RIT2: variants seen among roughly 807,000 people sequenced by gnomAD.
RIT2 encodes the protein GTP-binding protein Rit2.
A neutral mutation model predicts 23.7 loss-of-function variants in RIT2; 24 were observed. The ratio of observed to expected loss-of-function variants is 1.01; its 90% CI spans 0.73 to 1.43. The LOEUF is 1.43. Among genes scored for constraint, RIT2 ranks in the 40% most tolerant of loss-of-function variants. The probability of loss-of-function intolerance (pLI) is 0.00; values close to 1 mark genes in which losing one functional copy is unlikely to be tolerated. For synonymous variants in RIT2, 107 were observed against 91.1 expected (o/e 1.17, Z -0.99); for missense variants, 236 against 266.9 (o/e 0.88, Z 0.81).
At chr18:42,943,163 C>T (rs577054606) in intron 3 of RIT2, among the ~76,000 whole-genome samples, 78 of 152,232 alleles carry the variant, frequency 5.1e-4, no homozygotes, top group South Asian at 1.5e-3. Context: ...TATTTGTCCC[C>T]GCCCATGTTC....
At chr18:43,095,613 A>T (rs1292137942) in intron 1 of RIT2, among the ~76,000 whole-genome samples, 1 of 152,012 alleles carries the variant, frequency 6.6e-6, no homozygotes, top group African/African-American at 2.4e-5. Flanking sequence ...GTAAAAAAGT[A>T]AACTTAATTT....
At chr18:42,981,751 A>G (rs1910604069) in intron 2 of RIT2, among the ~76,000 whole-genome samples, 1 of 152,170 alleles carries the variant, frequency 6.6e-6, no homozygotes, top group Non-Finnish European at 1.5e-5. Context: ...AGAATACTTC[A>G]TAGGCCACTT....
chr18:42,751,702 T>C (rs902861456), intron 4 of RIT2, among the ~76,000 whole-genome samples: 22 of 152,044 alleles, frequency 1.4e-4, no homozygotes, highest in Admixed American at 6.6e-5. Flanking sequence ...TAGTTTCACA[T>C]GATCTTAGAT....
In RIT2 at chr18:42,743,599, T is replaced by C; in HGVS notation, c.548A>G (p.Lys183Arg). The C allele has an allele frequency of 1.2e-6, 2 of 1,614,154 alleles. No individual in the cohort carries two copies. The highest frequency in any genetic ancestry group is 4.5e-5 in the East Asian group (2 of 44,866). ...AFHGLVREIR[K>R]KESMPSLMEK... Reference sequence around the variant, plus strand: ...CATCAAGGATGGCATGGACTCCTTCTTGCGAATTTCCCTCACTAAGCCATG... The same window carrying C: ...CATCAAGGATGGCATGGACTCCTTCCTGCGAATTTCCCTCACTAAGCCATG... Residue 183 changes from lysine to arginine, a missense_variant, in exon 5 of 5, where the codon AAG becomes AGG. Physicochemically the swap from Lys to Arg is conservative, Grantham distance 26. Coordinates refer to ENST00000326695, the MANE Select transcript of RIT2 (RefSeq NM_002930.4).
At chr18:42,778,502 TA>T (rs2143927780) in intron 4 of RIT2, among the ~76,000 whole-genome samples, 1 of 152,296 alleles carries the variant, frequency 6.6e-6, no homozygotes, top group Non-Finnish European at 1.5e-5. Context: ...GAAAGACCAA[TA>T]CATTTTCCTA....
intron 4 of RIT2, among the ~76,000 whole-genome samples, chr18:42,771,961 A>C (rs1342489106): frequency 6.6e-6 from 1 of 152,114 alleles, no homozygotes; most frequent in African/African-American, 2.4e-5. Context: ...CACAAAGATA[A>C]AAAATCACTC....
intron 4 of RIT2, chr18:42,920,703 T>C (rs757631265): frequency 1.1e-5 from 17 of 1,592,988 alleles, no homozygotes; most frequent in African/African-American, 9.4e-5. Context: ...TTACCAAATA[T>C]GAAAAGAAGC....
chr18:42,989,309 G>A (rs535577245), intron 2 of RIT2, among the ~76,000 whole-genome samples: 1 of 152,126 alleles, frequency 6.6e-6, no homozygotes, highest in South Asian at 2.1e-4. Context: ...GTGTTGGGCT[G>A]GGACTGGGAT....
chr18:42,791,526 C>A (rs1257874716), intron 4 of RIT2, among the ~76,000 whole-genome samples: 1 of 152,156 alleles, frequency 6.6e-6, no homozygotes, highest in Non-Finnish European at 1.5e-5. Context: ...CTATTAGTGT[C>A]CCGCTGACCT....
chr18:42,889,857 T>C (rs535979625), intron 4 of RIT2, among the ~76,000 whole-genome samples: 2 of 152,192 alleles, frequency 1.3e-5, no homozygotes, highest in East Asian at 3.9e-4. Context: ...TATAATCCAT[T>C]ACATCAAATA....
chr18:42,804,893 G>A (rs546810223), intron 4 of RIT2, among the ~76,000 whole-genome samples: 111 of 152,266 alleles, frequency 7.3e-4, no homozygotes, highest in Middle Eastern at 3.4e-3. Context: ...GAGATAGTGC[G>A]CAGGGCAGTG....
chr18:43,109,976 T>C (rs1392785422), intron 1 of RIT2, among the ~76,000 whole-genome samples: 1 of 152,168 alleles, frequency 6.6e-6, no homozygotes, highest in African/African-American at 2.4e-5. Flanking sequence ...AAAGCCTGTG[T>C]TCATGTCCAG....
At chr18:42,954,781 CT>C (rs1208073408) in intron 3 of RIT2, among the ~76,000 whole-genome samples, 1 of 152,056 alleles carries the variant, frequency 6.6e-6, no homozygotes, top group East Asian at 1.9e-4. Flanking sequence ...TGAATTTGTA[CT>C]TTAAGACTTC....
At chr18:43,050,409 C>T (rs952141556) in intron 1 of RIT2, among the ~76,000 whole-genome samples, 2 of 151,966 alleles carry the variant, frequency 1.3e-5, no homozygotes, top group Admixed American at 6.6e-5. Flanking sequence ...AGCAGGAATA[C>T]CTGTTAAGAA....
chr18:43,098,166 A>G (rs562223850), intron 1 of RIT2, among the ~76,000 whole-genome samples: 1 of 152,010 alleles, frequency 6.6e-6, no homozygotes, highest in Non-Finnish European at 1.5e-5. Flanking sequence ...TTTTGAATTC[A>G]CTTGTTTCTA....
chr18:43,004,871 G>T (rs367551220), intron 2 of RIT2, among the ~76,000 whole-genome samples: 6 of 151,888 alleles, frequency 4.0e-5, no homozygotes, highest in African/African-American at 1.2e-4. Context: ...CAATTACTAT[G>T]CTGTGCTCAT....
intron 1 of RIT2, among the ~76,000 whole-genome samples, chr18:43,087,528 C>T (rs139827333): frequency 0.01 from 1,580 of 152,234 alleles, 30 homozygotes; most frequent in African/African-American, 0.035. Flanking sequence ...TTACCTTACT[C>T]AGTCTTACCA....
chr18:42,832,701 A>C (rs1906492741), intron 4 of RIT2, among the ~76,000 whole-genome samples: 1 of 152,154 alleles, frequency 6.6e-6, no homozygotes, highest in Non-Finnish European at 1.5e-5. Context: ...GTTAATTTGA[A>C]ATATACAATA....
In RIT2 at chr18:43,095,168, A is replaced by T. The variant is rs1368133062; in HGVS notation, c.103+20249T>A. Among the ~76,000 whole-genome samples the T allele has an allele frequency of 6.6e-5, 10 of 152,090 alleles. No homozygotes were observed. In the South Asian group the frequency reaches 2.1e-3, roughly 32 times the overall value. On this transcript the variant is annotated intron_variant, in intron 1 of 4. Coordinates refer to ENST00000326695, the MANE Select transcript of RIT2 (RefSeq NM_002930.4). ...CTCCACAATGGTTGAACTAATTTAC[A>T]CTCCCACGAACAGTGTAAAAGCGTT...
Sources: allele counts gnomAD v4.1 joint callset (sites outside exome capture counted in the v4.1 genomes callset), GRCh38; gene constraint gnomAD v4.1.1; transcripts MANE v1.5; gene names NCBI Gene and HGNC (gene_info 2026-07-23, HGNC 2026-07-21).